The following PCDH15 variants were observed in gnomAD, a reference collection of about 807,000 sequenced individuals.
PCDH15 encodes the protein protocadherin related 15, also known as protocadherin-15.
A neutral mutation model predicts 178.5 loss-of-function variants in PCDH15; 129 were observed. The ratio of observed to expected loss-of-function variants is 0.72; its 90% CI spans 0.63 to 0.84. PCDH15 has a LOEUF of 0.84. Ranked by LOEUF, PCDH15 falls within the 40% of genes least tolerant of loss-of-function variation. The pLI, the probability that PCDH15 is intolerant of heterozygous loss-of-function variation, is 0.00. For synonymous variants in PCDH15, 800 were observed against 732.0 expected, an observed-to-expected ratio of 1.09 and a Z score of -1.50; for missense variants, 2,230 against 2,099.9, an observed-to-expected ratio of 1.06 and a Z score of -1.21.
chr10:53,974,164 C>T (rs140732044), intron 21 of PCDH15, among the ~76,000 whole-genome samples: 7 of 151,968 alleles, frequency 4.6e-5, no homozygotes, highest in South Asian at 4.1e-4. Flanking sequence ...ATTACAGGGA[C>T]GCTCCATGCC....
At chr10:53,840,641 A>T in intron 28 of PCDH15, 145 bp from the exon 29 acceptor site, 1 of 783,912 alleles carries the variant, frequency 1.3e-6, no homozygotes. Flanking sequence ...TAAACCCTTG[A>T]AAAACATTCT....
At chr10:54,344,720 G>C (rs1320566033) in intron 6 of PCDH15, among the ~76,000 whole-genome samples, 2 of 151,710 alleles carry the variant, frequency 1.3e-5, no homozygotes, top group Non-Finnish European at 2.9e-5. Flanking sequence ...TGTTCAGTCA[G>C]CTGTTTCTAC....
At chr10:55,214,128 T>G (rs1357592707) in intron 1 of PCDH15, among the ~76,000 whole-genome samples, 1 of 152,016 alleles carries the variant, frequency 6.6e-6, no homozygotes, top group Non-Finnish European at 1.5e-5. Context: ...TCTATGGTAC[T>G]TGTTTTTAAA....
intron 25 of PCDH15, among the ~76,000 whole-genome samples, chr10:53,907,489 A>G (rs1380751129): frequency 6.6e-6 from 1 of 152,196 alleles, no homozygotes; most frequent in East Asian, 1.9e-4. Flanking sequence ...AGTGAAAGAA[A>G]TTACAAAGTA....
At chr10:54,677,858 C>T (rs2094820756) in intron 1 of PCDH15, among the ~76,000 whole-genome samples, 1 of 152,174 alleles carries the variant, frequency 6.6e-6, no homozygotes, top group South Asian at 2.1e-4. Flanking sequence ...CTGTTAGTAA[C>T]ATGACATTTG....
intron 14 of PCDH15, among the ~76,000 whole-genome samples, chr10:54,140,381 A>G (rs2043283052): frequency 1.3e-5 from 2 of 152,180 alleles, no homozygotes; most frequent in Non-Finnish European, 2.9e-5. Flanking sequence ...AATATCCATC[A>G]GGTTAATTTT....
intron 1 of PCDH15, among the ~76,000 whole-genome samples, chr10:54,748,803 C>T (rs1049499582): frequency 6.6e-6 from 1 of 152,128 alleles, no homozygotes; most frequent in African/African-American, 2.4e-5. Flanking sequence ...GAAAAGCACT[C>T]ATTTAAGTGG....
intron 2 of PCDH15, among the ~76,000 whole-genome samples, chr10:55,162,524 T>A (rs907107903): frequency 2.0e-5 from 3 of 152,198 alleles, no homozygotes; most frequent in African/African-American, 7.2e-5. Context: ...CATCTTGCCT[T>A]TAACCTCTAA....
At chr10:54,548,134 C>CATAT (rs914518889) in intron 2 of PCDH15, among the ~76,000 whole-genome samples, 11 of 145,672 alleles carry the variant, frequency 7.6e-5, no homozygotes, top group Non-Finnish European at 1.7e-4. Context: ...AAAAAAAACC[C>CATAT]ATATATATAT....
At position 54,046,856 on chromosome 10, in the gene PCDH15, G is replaced by A. The variant is rs1020346885; in HGVS notation, c.2220+19901C>T. On this transcript the variant is annotated intron_variant, in intron 18 of 37. Coordinates refer to ENST00000644397, the MANE Select transcript of PCDH15 (RefSeq NM_001384140.1). ...AGAGTTGGTCTTAATAAAAATCTCC[G>A]GATATAGCTGGAATTCTTTCTGTAA... 1.2e-4 allele frequency among the ~76,000 whole-genome samples: 18 copies of A among 148,660 alleles called. No individual in the cohort carries two copies. In the East Asian group the frequency reaches 1.4e-3, roughly 11 times the overall value.
At chr10:55,010,023 T>C (rs763702302) in intron 2 of PCDH15, among the ~76,000 whole-genome samples, 59 of 152,108 alleles carry the variant, frequency 3.9e-4, no homozygotes, top group Non-Finnish European at 7.8e-4. Context: ...ACAATACAAG[T>C]ATAGTGTTTT....
chr10:54,849,336 G>T (rs950678007), intron 3 of PCDH15, among the ~76,000 whole-genome samples: 4 of 152,158 alleles, frequency 2.6e-5, no homozygotes, highest in Admixed American at 1.3e-4. Flanking sequence ...TGTAAGAAAT[G>T]ATGGCTTAAT....
chr10:55,316,800 T>C (rs1273907919), intron 1 of PCDH15, among the ~76,000 whole-genome samples: 1 of 152,082 alleles, frequency 6.6e-6, no homozygotes, highest in East Asian at 1.9e-4. Flanking sequence ...AATGAGAAAA[T>C]AAAAGTGTTA....
chr10:54,320,931 A>G (rs1028200137), intron 7 of PCDH15, among the ~76,000 whole-genome samples: 1 of 151,840 alleles, frequency 6.6e-6, no homozygotes, highest in Non-Finnish European at 1.5e-5. Flanking sequence ...TCATTAAGTA[A>G]TCTCATCTTC....
At chr10:55,339,315 A>AACAAC (rs1428536648) in intron 2 of PCDH15, among the ~76,000 whole-genome samples, 4 of 151,974 alleles carry the variant, frequency 2.6e-5, no homozygotes, top group African/African-American at 9.7e-5. Context: ...CAACAACAAC[A>AACAAC]AAGAATTTAC....
intron 13 of PCDH15, among the ~76,000 whole-genome samples, chr10:54,174,353 A>T (rs2047206859): frequency 6.6e-6 from 1 of 151,784 alleles, no homozygotes; most frequent in Non-Finnish European, 1.5e-5. Context: ...TAACACGGTG[A>T]AACCCCGTCT....
chr10:54,490,142 A>G (rs1265771533), intron 3 of PCDH15, among the ~76,000 whole-genome samples: 2 of 151,766 alleles, frequency 1.3e-5, no homozygotes, highest in East Asian at 3.8e-4. Context: ...CTAATTCCTC[A>G]TACAGGAACT....
At chr10:53,966,296 T>C (rs550824731) in intron 21 of PCDH15, among the ~76,000 whole-genome samples, 1 of 152,282 alleles carries the variant, frequency 6.6e-6, no homozygotes, top group East Asian at 1.9e-4. Flanking sequence ...TTTTATTTTA[T>C]ATCACATATT....
chr10:54,421,690 A>ATATATATATATATG (rs1301759947), intron 3 of PCDH15, among the ~76,000 whole-genome samples: 2,689 of 110,636 alleles, frequency 0.024, 110 homozygotes, highest in Non-Finnish European at 0.032. Context: ...ATATATATAT[A>ATATATATATATATG]TATACACACA....
Sources: gnomAD v4.1 joint callset for allele counts (sites outside exome capture counted in the v4.1 genomes callset) on GRCh38, gnomAD v4.1.1 for gene constraint, MANE v1.5 for transcripts, NCBI Gene and HGNC (gene_info 2026-07-23, HGNC 2026-07-21) for gene names.